Variants in SCAPER observed in about 807,000 individuals in gnomAD.
SCAPER encodes S phase cyclin A-associated protein in the endoplasmic reticulum.
SCAPER carries 98 observed loss-of-function variants against 182.2 expected under a neutral mutation model. That is an observed-to-expected ratio of 0.54 (90% confidence interval 0.46 to 0.64). The LOEUF (loss-of-function observed/expected upper bound fraction) is 0.64, where lower values mean the gene tolerates loss of function less well. Ranked by LOEUF, SCAPER falls within the 30% of genes least tolerant of loss-of-function variation. SCAPER has a pLI of 0.00. For synonymous variants in SCAPER, 605 were observed against 564.6 expected, an observed-to-expected ratio of 1.07 and a Z score of -1.01; for missense variants, 1,432 against 1,690.0, an observed-to-expected ratio of 0.85 and a Z score of 2.68.
intron 17 of SCAPER, among the ~76,000 whole-genome samples, chr15:76,708,439 T>C (rs1464546629): frequency 2.0e-5 from 3 of 150,674 alleles, no homozygotes; most frequent in African/African-American, 7.3e-5. Flanking sequence ...TAAATATTTA[T>C]ATTAGAAATG....
chr15:76,421,055 A>G (rs1355878147), intron 26 of SCAPER, among the ~76,000 whole-genome samples: 1 of 152,174 alleles, frequency 6.6e-6, no homozygotes, highest in Non-Finnish European at 1.5e-5. Context: ...AGTCTTTGCT[A>G]TTGTGAATAG....
intron 26 of SCAPER, among the ~76,000 whole-genome samples, chr15:76,426,139 C>T (rs2046407549): frequency 6.6e-6 from 1 of 152,222 alleles, no homozygotes; most frequent in African/African-American, 2.4e-5. Flanking sequence ...CATTTCAAAG[C>T]TGTCAGACAG....
At chr15:76,439,210 C>G (rs1268937602) in intron 25 of SCAPER, among the ~76,000 whole-genome samples, 1 of 152,048 alleles carries the variant, frequency 6.6e-6, no homozygotes, top group Non-Finnish European at 1.5e-5. Flanking sequence ...TTCACCTTCC[C>G]AAGAAGCTGG....
rs79610348 is a variant in SCAPER at position 76,349,057 on chromosome 15, C to T, written c.4100-321G>A. 1,285 of 173,886 alleles carry T rather than the reference C, an allele frequency of 7.4e-3. 12 individuals carry two copies. The highest frequency in any genetic ancestry group is 0.029 in the African/African-American group (1,211 of 42,148). 10.8% of individuals were successfully genotyped at this position (173,886 alleles called of 1,614,324 possible). On this transcript the variant is annotated intron_variant, in intron 31 of 31. Coordinates refer to ENST00000563290, the MANE Select transcript of SCAPER (RefSeq NM_020843.4). ...TAGCAACCAGGCAAGCACAGTGGTGCGCGCCTGTAGTCCCAGCTATTTGGA... is the reference window on the plus strand; with the variant it reads ...TAGCAACCAGGCAAGCACAGTGGTGTGCGCCTGTAGTCCCAGCTATTTGGA...
chr15:76,505,360 A>C (rs2041481069), intron 23 of SCAPER, among the ~76,000 whole-genome samples: 1 of 152,182 alleles, frequency 6.6e-6, no homozygotes, highest in Non-Finnish European at 1.5e-5. Flanking sequence ...ACAAGGGATT[A>C]ACAACCAGAA....
intron 13 of SCAPER, 43 bp from the exon 14 acceptor site, chr15:76,765,115 A>G (rs766356013): frequency 3.5e-5 from 48 of 1,372,828 alleles, no homozygotes; most frequent in Middle Eastern, 3.7e-4. Flanking sequence ...AAATGTTTAC[A>G]TGATAAGGCC....
chr15:76,656,088 C>T (rs1194950791), intron 21 of SCAPER, among the ~76,000 whole-genome samples: 1 of 151,974 alleles, frequency 6.6e-6, no homozygotes, highest in African/African-American at 2.4e-5. Flanking sequence ...GAAAATAATG[C>T]CCTCAATTAA....
At position 76,861,542 on chromosome 15, in the gene SCAPER, A is replaced by G. The variant is rs16968546; in HGVS notation, c.124+874T>C. Reference sequence around the variant, plus strand: ...CTCCTGTCTTCTGTATCTCTATCCAATCTTCAACATCCTCAAAACAGTGGC... The same window carrying G: ...CTCCTGTCTTCTGTATCTCTATCCAGTCTTCAACATCCTCAAAACAGTGGC... On this transcript the variant is annotated intron_variant, in intron 3 of 31. Coordinates refer to ENST00000563290, the MANE Select transcript of SCAPER (RefSeq NM_020843.4). Among the ~76,000 whole-genome samples the G allele has an allele frequency of 5.0e-3, 760 of 152,230 alleles. 48 individuals carry two copies. The East Asian group carries it at 0.13, about 27-fold the overall frequency.
At chr15:76,677,292 T>C (rs1158605808) in intron 20 of SCAPER, among the ~76,000 whole-genome samples, 1 of 152,162 alleles carries the variant, frequency 6.6e-6, no homozygotes. Context: ...TATTTCATAC[T>C]GTTAATTCTA....
At chr15:76,444,245 G>A (rs1238946719) in intron 25 of SCAPER, among the ~76,000 whole-genome samples, 2 of 152,048 alleles carry the variant, frequency 1.3e-5, no homozygotes, top group African/African-American at 2.4e-5. Flanking sequence ...AATCTGTAAA[G>A]GGCCCCATTT....
intron 26 of SCAPER, among the ~76,000 whole-genome samples, chr15:76,430,341 C>G (rs184315610): frequency 2.9e-4 from 44 of 152,294 alleles, no homozygotes; most frequent in African/African-American, 8.9e-4. Flanking sequence ...CCTCCAGACC[C>G]CAGAATGGTA....
chr15:76,686,237 C>CAGAACAGCCCCTTT (rs2058033425), intron 20 of SCAPER, among the ~76,000 whole-genome samples: 2 of 151,786 alleles, frequency 1.3e-5, no homozygotes. Context: ...CCCAATAGAA[C>CAGAACAGCCCCTTT]TCAACAGAAA....
At chr15:76,663,627 T>G (rs1331530718) in intron 21 of SCAPER, among the ~76,000 whole-genome samples, 3 of 151,104 alleles carry the variant, frequency 2.0e-5, no homozygotes, top group African/African-American at 7.3e-5. Flanking sequence ...GTGGATGTCA[T>G]TTGTATAAAT....
intron 23 of SCAPER, among the ~76,000 whole-genome samples, chr15:76,533,868 C>T (rs2043894340): frequency 1.3e-5 from 2 of 152,122 alleles, no homozygotes; most frequent in Admixed American, 6.5e-5. Context: ...ACAGAAAACA[C>T]ATTCTACAAT....
chr15:76,370,291 A>ATTTTTTTTTTTTTTT (rs10524497), intron 29 of SCAPER, among the ~76,000 whole-genome samples: 7 of 119,454 alleles, frequency 5.9e-5, no homozygotes, highest in African/African-American at 2.2e-4. Context: ...TACCATTTCA[A>ATTTTTTTTTTTTTTT]TTTTTTTTTT....
At chr15:76,750,137 G>A (rs1236527913) in intron 15 of SCAPER, among the ~76,000 whole-genome samples, 1 of 151,288 alleles carries the variant, frequency 6.6e-6, no homozygotes, top group Non-Finnish European at 1.5e-5. Flanking sequence ...AAAAAGAACA[G>A]TCTTAAACAA....
intron 15 of SCAPER, among the ~76,000 whole-genome samples, chr15:76,753,487 G>A (rs959864497): frequency 6.6e-6 from 1 of 151,852 alleles, no homozygotes; most frequent in African/African-American, 2.4e-5. Flanking sequence ...TTACAAAGAG[G>A]AATTGTGTAT....
intron 21 of SCAPER, among the ~76,000 whole-genome samples, chr15:76,658,072 A>C (rs2146651086): frequency 6.6e-6 from 1 of 152,250 alleles, no homozygotes; most frequent in Admixed American, 6.5e-5. Flanking sequence ...CAGAGCAATC[A>C]GGCAAAATAA....
chr15:76,686,025 T>C (rs1010480624), intron 20 of SCAPER, among the ~76,000 whole-genome samples: 10 of 152,054 alleles, frequency 6.6e-5, no homozygotes, highest in African/African-American at 2.4e-4. Flanking sequence ...GAGAAGATTT[T>C]TGAAGTAGAA....
Sources: allele counts gnomAD v4.1 joint callset (sites outside exome capture counted in the v4.1 genomes callset), GRCh38; gene constraint gnomAD v4.1.1; transcripts MANE v1.5; gene names NCBI Gene and HGNC (gene_info 2026-07-23, HGNC 2026-07-21).